The following PAFAH1B1 variants were observed in gnomAD, a reference collection of about 807,000 sequenced individuals.
PAFAH1B1 encodes platelet-activating factor acetylhydrolase IB subunit beta.
In PAFAH1B1, 2 loss-of-function variants were observed where a neutral mutation model predicts 57.5. The ratio of observed to expected loss-of-function variants is 0.03; its 90% CI spans 0.01 to 0.11. PAFAH1B1 has a LOEUF of 0.11. PAFAH1B1 is among the 10% of genes least tolerant of loss of function. PAFAH1B1 has a pLI of 1.00. For missense variants in PAFAH1B1, 257 were observed against 512.0 expected (o/e 0.50, Z 4.81); for synonymous variants, 152 against 169.6 (o/e 0.90, Z 0.81).
At chr17:2,630,715 A>G (rs866877674) in intron 1 of PAFAH1B1, among the ~76,000 whole-genome samples, 2 of 152,298 alleles carry the variant, frequency 1.3e-5, no homozygotes, top group African/African-American at 2.4e-5. Flanking sequence ...CCACGCTTTT[A>G]GAGTTCTCTT....
Position 2,652,064 on chromosome 17 carries a change from A to G in PAFAH1B1, c.33-13308A>G, listed in dbSNP as rs192043476. 1.4e-3 allele frequency among the ~76,000 whole-genome samples: 207 copies of G among 152,284 alleles called. 4 individuals carry two copies. The East Asian group carries it at 0.028, about 20-fold the overall frequency. On this transcript the variant is annotated intron_variant, in intron 2 of 10. Transcript: ENST00000397195. Reference sequence around the variant, plus strand: ...GTTTTGTCTTTTCCAGAAAATTACAATTATATAGCTTGTATCCTTTTCAGA... The same window carrying G: ...GTTTTGTCTTTTCCAGAAAATTACAGTTATATAGCTTGTATCCTTTTCAGA...
At chr17:2,652,144 G>C (rs1019922763) in intron 2 of PAFAH1B1, among the ~76,000 whole-genome samples, 1 of 107,794 alleles carries the variant, frequency 9.3e-6, no homozygotes, top group Non-Finnish European at 2.0e-5. Flanking sequence ...AGACACAGTG[G>C]CTCACGCCTG....
chr17:2,669,805 T>C (rs910813249), intron 5 of PAFAH1B1, among the ~76,000 whole-genome samples: 1 of 152,124 alleles, frequency 6.6e-6, no homozygotes, highest in African/African-American at 2.4e-5. Context: ...CTCTTTCTCT[T>C]TCTTTCCTCT....
At chr17:2,670,999 A>T (rs942741838) in intron 6 of PAFAH1B1, among the ~76,000 whole-genome samples, 1 of 152,174 alleles carries the variant, frequency 6.6e-6, no homozygotes, top group African/African-American at 2.4e-5. Flanking sequence ...GGAGATGCTC[A>T]TTACTTAGGG....
intron 1 of PAFAH1B1, among the ~76,000 whole-genome samples, chr17:2,627,300 C>T (rs957736909): frequency 6.6e-6 from 1 of 152,092 alleles, no homozygotes; most frequent in Non-Finnish European, 1.5e-5. Context: ...GTTTCATTTT[C>T]CTGTATGTGG....
At chr17:2,677,519 A>G (rs1445284051) in intron 9 of PAFAH1B1, among the ~76,000 whole-genome samples, 1 of 151,252 alleles carries the variant, frequency 6.6e-6, no homozygotes, top group East Asian at 1.9e-4. Flanking sequence ...TCTGTAGGAT[A>G]TGACAGACAT....
chr17:2,598,519 G>T (rs2068108276), intron 1 of PAFAH1B1, among the ~76,000 whole-genome samples: 1 of 151,798 alleles, frequency 6.6e-6, no homozygotes. Flanking sequence ...ATGTGCTTTG[G>T]AAAGAGGGAA....
chr17:2,654,941 T>A (rs888394665), intron 2 of PAFAH1B1, among the ~76,000 whole-genome samples: 1 of 147,498 alleles, frequency 6.8e-6, no homozygotes, highest in East Asian at 2.0e-4. Context: ...CCTGCGTGGC[T>A]TTTTTTTTTC....
intron 5 of PAFAH1B1, among the ~76,000 whole-genome samples, chr17:2,668,980 T>C (rs948053408): frequency 1.3e-5 from 2 of 151,960 alleles, no homozygotes; most frequent in African/African-American, 4.8e-5. Context: ...CACATACATA[T>C]ATATGTGTGT....
In PAFAH1B1 at chr17:2,593,933, C is replaced by T. The variant is rs1249334423; in HGVS notation, c.-264C>T. 2.0e-5 allele frequency: 8 copies of T among 390,410 alleles called. No individual in the cohort carries two copies. The highest frequency in any genetic ancestry group is 1.3e-4 in the Admixed American group (3 of 22,366). 24.2% of individuals were successfully genotyped at this position (390,410 alleles called of 1,614,324 possible). Reference sequence around the variant, plus strand: ...CTCCCTCCTTCCTCCCTCCCCTCTCCCTCCCCCTCCCCCGCCGGTGGATGG... The same window carrying T: ...CTCCCTCCTTCCTCCCTCCCCTCTCTCTCCCCCTCCCCCGCCGGTGGATGG... On this transcript the variant is annotated 5_prime_UTR_variant, in exon 1 of 11. Transcript: ENST00000397195.
At chr17:2,677,582 C>T (rs1024005662) in intron 9 of PAFAH1B1, among the ~76,000 whole-genome samples, 1 of 152,170 alleles carries the variant, frequency 6.6e-6, no homozygotes, top group Non-Finnish European at 1.5e-5. Context: ...CGGCCGGGCA[C>T]GGTGGCTCAC....
chr17:2,668,409 G>A (rs765688510), intron 5 of PAFAH1B1, among the ~76,000 whole-genome samples: 22 of 152,122 alleles, frequency 1.4e-4, no homozygotes, highest in Non-Finnish European at 2.6e-4. Context: ...ATTATGGGCC[G>A]GGTGTGGTAG....
chr17:2,676,438 G>C, intron 8 of PAFAH1B1, 67 bp from the exon 9 acceptor site: 1 of 949,776 alleles, frequency 1.1e-6, no homozygotes. Flanking sequence ...TTATTAGATA[G>C]AAGCCATTTA....
chr17:2,671,236 TCTCA>T (rs768951044), intron 6 of PAFAH1B1, among the ~76,000 whole-genome samples: 1 of 152,100 alleles, frequency 6.6e-6, no homozygotes, highest in African/African-American at 2.4e-5. Context: ...TGAGACTGTG[TCTCA>T]CTCTGTCGCC....
intron 2 of PAFAH1B1, among the ~76,000 whole-genome samples, chr17:2,644,646 A>G (rs2068743107): frequency 6.6e-6 from 1 of 152,238 alleles, no homozygotes; most frequent in African/African-American, 2.4e-5. Flanking sequence ...ATATTTAGGT[A>G]GTTTTCAATA....
intron 2 of PAFAH1B1, among the ~76,000 whole-genome samples, chr17:2,663,864 T>A (rs1323452964): frequency 1.3e-5 from 2 of 151,932 alleles, no homozygotes; most frequent in African/African-American, 4.8e-5. Flanking sequence ...CTGGCTAATT[T>A]TTGTATTTTT....
In PAFAH1B1 at chr17:2,681,952, A is replaced by G; in HGVS notation, c.*150A>G. On this transcript the variant is annotated 3_prime_UTR_variant, in exon 11 of 11. Transcript: ENST00000397195. ...TTGAGCTTATTAAATGTTACACACA[A>G]AGTATTCATGCATGGTGAATCCAAA... The G allele has an allele frequency of 1.6e-6, 1 of 627,388 alleles. No individual in the cohort carries two copies. Among genetic ancestry groups the G allele is most frequent in the South Asian group, 2.1e-5 (1 of 48,268 alleles). 38.9% of individuals were successfully genotyped at this position (627,388 alleles called of 1,614,324 possible).
chr17:2,613,031 T>TC (rs2068284982), intron 1 of PAFAH1B1, among the ~76,000 whole-genome samples: 2 of 133,354 alleles, frequency 1.5e-5, no homozygotes, highest in South Asian at 2.3e-4. Context: ...ATTTGATAAA[T>TC]TAATAATTTG....
intron 1 of PAFAH1B1, among the ~76,000 whole-genome samples, chr17:2,623,314 G>A (rs1382354393): frequency 2.0e-5 from 3 of 146,684 alleles, no homozygotes; most frequent in Non-Finnish European, 4.5e-5. Flanking sequence ...CTGTCGCCCG[G>A]GCTGGAGTGC....
Sources: gnomAD v4.1 joint callset for allele counts (sites outside exome capture counted in the v4.1 genomes callset) on GRCh38, gnomAD v4.1.1 for gene constraint, MANE v1.5 for transcripts, NCBI Gene and HGNC (gene_info 2026-07-23, HGNC 2026-07-21) for gene names.